Variants in GALNT13 observed in about 807,000 individuals in gnomAD.
GALNT13 encodes UDP-GalNAc:polypeptide N-acetylgalactosaminyltransferase 13.
In GALNT13, 28 loss-of-function variants were observed where a neutral mutation model predicts 64.2. The ratio of observed to expected loss-of-function variants is 0.44; its 90% CI spans 0.32 to 0.60. The LOEUF (loss-of-function observed/expected upper bound fraction) is 0.60. GALNT13 is among the 20% of genes least tolerant of loss of function. The pLI, the probability that GALNT13 is intolerant of heterozygous loss-of-function variation, is 0.05. For missense variants in GALNT13, 577 were observed against 669.8 expected (o/e 0.86, Z 1.53); for synonymous variants, 214 against 224.6 (o/e 0.95, Z 0.42).
chr2:154,450,446 T>C lies in GALNT13; in HGVS notation c.1566T>C (p.Cys522=), dbSNP rs1439325107. Residue 522 remains cysteine (C), a synonymous_variant, in exon 13 of 13, where the codon TGT becomes TGC. Transcript: ENST00000392825. ...TGCGACATGTTAACAGTAACCAATG[T>C]CTCGATGAACCTTCTGAAGAAGACA... ...LTLRHVNSNQ[C]LDEPSEEDKM... 6.2e-7 allele frequency: 1 copy of C among 1,612,560 alleles called. No individual in the cohort carries two copies. Among genetic ancestry groups the C allele is most frequent in the Non-Finnish European group, 8.5e-7 (1 of 1,179,130 alleles).
At chr2:154,235,172 G>T (rs533675191) in intron 4 of GALNT13, among the ~76,000 whole-genome samples, 1 of 152,048 alleles carries the variant, frequency 6.6e-6, no homozygotes, top group African/African-American at 2.4e-5. Flanking sequence ...GAAAACAGAA[G>T]AAGCAAATAA....
chr2:153,100,495 A>G, the GALNT13 span, among the ~76,000 whole-genome samples: 1 of 152,136 alleles, frequency 6.6e-6, no homozygotes, highest in Non-Finnish European at 1.5e-5. Flanking sequence ...CTTGGAGAAA[A>G]TTGTTTTGGA....
At chr2:153,877,776 AT>A (rs553358626) in intron 1 of GALNT13, among the ~76,000 whole-genome samples, 170 of 152,318 alleles carry the variant, frequency 1.1e-3, no homozygotes, top group African/African-American at 3.8e-3. Flanking sequence ...ATTCCAGCTT[AT>A]TTATGAAGAA....
intron 3 of GALNT13, among the ~76,000 whole-genome samples, chr2:154,089,925 A>G (rs1701722136): frequency 6.6e-6 from 1 of 151,628 alleles, no homozygotes; most frequent in Admixed American, 6.6e-5. Flanking sequence ...TGCTGCCTAC[A>G]TTATTAACAT....
intron 3 of GALNT13, among the ~76,000 whole-genome samples, chr2:154,135,882 A>G (rs964354192): frequency 6.6e-6 from 1 of 152,148 alleles, no homozygotes; most frequent in African/African-American, 2.4e-5. Flanking sequence ...GATAAACTAG[A>G]GCCTTTGGAC....
At position 154,393,682 on chromosome 2, in the gene GALNT13, A is replaced by G. The variant is rs555606191; in HGVS notation, c.1157-2309A>G. Among the ~76,000 whole-genome samples, 127 of 152,340 alleles carry G rather than the reference A, an allele frequency of 8.3e-4. 1 individual carries two copies. Among genetic ancestry groups the G allele is most frequent in the Non-Finnish European group, 1.7e-3 (115 of 68,036 alleles). On this transcript the variant is annotated intron_variant, in intron 9 of 12. Coordinates refer to ENST00000392825, the MANE Select transcript of GALNT13 (RefSeq NM_052917.4). ...CAGGGGGCGGCTTAGAGGTGGCAGG[A>G]TAAGAAGGCTTTTGCTTTATTCAGT...
chr2:153,107,916 CCT>C, the GALNT13 span, among the ~76,000 whole-genome samples: 1 of 152,222 alleles, frequency 6.6e-6, no homozygotes. Context: ...AAGTTAAACA[CCT>C]CTACAACACA....
chr2:154,315,321 A>G (rs977379040), intron 9 of GALNT13, among the ~76,000 whole-genome samples: 16 of 152,212 alleles, frequency 1.1e-4, no homozygotes, highest in South Asian at 4.1e-4. Flanking sequence ...TGAGTTTGAG[A>G]GCATTGCAGT....
chr2:153,807,743 A>T, the GALNT13 span, among the ~76,000 whole-genome samples: 3 of 152,058 alleles, frequency 2.0e-5, no homozygotes, highest in African/African-American at 7.2e-5. Context: ...TGTGTTTGAT[A>T]ATTTCATTAT....
chr2:154,002,865 C>G (rs1293936448), intron 3 of GALNT13, among the ~76,000 whole-genome samples: 1 of 152,134 alleles, frequency 6.6e-6, no homozygotes, highest in Non-Finnish European at 1.5e-5. Flanking sequence ...TTATAGTGAG[C>G]ATCAGAACTA....
the GALNT13 span, among the ~76,000 whole-genome samples, chr2:153,343,089 A>T: frequency 6.6e-6 from 1 of 152,220 alleles, no homozygotes; most frequent in African/African-American, 2.4e-5. Flanking sequence ...TTGTCACTAC[A>T]ATATTTGTTG....
chr2:153,919,840 T>C (rs1689632185), intron 2 of GALNT13, among the ~76,000 whole-genome samples: 1 of 151,562 alleles, frequency 6.6e-6, no homozygotes. Context: ...TAAGTAGATA[T>C]AATTCTTATT....
At chr2:154,207,908 G>C (rs1243017104) in intron 4 of GALNT13, among the ~76,000 whole-genome samples, 1 of 152,112 alleles carries the variant, frequency 6.6e-6, no homozygotes, top group Non-Finnish European at 1.5e-5. Flanking sequence ...TAGGACAAAG[G>C]CAACATATGT....
the GALNT13 span, among the ~76,000 whole-genome samples, chr2:153,660,651 A>G: frequency 2.6e-5 from 4 of 151,660 alleles, no homozygotes; most frequent in African/African-American, 9.7e-5. Flanking sequence ...ATGGCTTACA[A>G]GGCCATTTTT....
the GALNT13 span, among the ~76,000 whole-genome samples, chr2:153,302,555 C>G: frequency 1.3e-5 from 2 of 152,038 alleles, no homozygotes; most frequent in Non-Finnish European, 2.9e-5. Context: ...CTTGGCTGTT[C>G]AGAAGCTTTT....
the GALNT13 span, among the ~76,000 whole-genome samples, chr2:153,546,538 G>T: frequency 9.2e-4 from 140 of 152,284 alleles, 1 homozygote; most frequent in Middle Eastern, 3.4e-3. Flanking sequence ...GTGTGTCCAA[G>T]TGTGCCCCGC....
chr2:153,455,807 T>G, the GALNT13 span, among the ~76,000 whole-genome samples: 1 of 152,116 alleles, frequency 6.6e-6, no homozygotes, highest in Non-Finnish European at 1.5e-5. Flanking sequence ...GTGTCTGCAT[T>G]TGTGGCTCCC....
At chr2:153,690,592 G>A in the GALNT13 span, among the ~76,000 whole-genome samples, 10 of 152,128 alleles carry the variant, frequency 6.6e-5, no homozygotes, top group Non-Finnish European at 1.3e-4. Flanking sequence ...TAGATTTATA[G>A]ACTAACTTAT....
chr2:153,922,882 TATTTTTTATTTTA>T (rs1324310254), intron 2 of GALNT13, among the ~76,000 whole-genome samples: 1 of 151,978 alleles, frequency 6.6e-6, no homozygotes, highest in Admixed American at 6.6e-5. Context: ...TTTTTATTTT[TATTTTTTATTTTA>T]ATTTTTAAAT....
Sources: allele counts gnomAD v4.1 joint callset (sites outside exome capture counted in the v4.1 genomes callset), GRCh38; gene constraint gnomAD v4.1.1; transcripts MANE v1.5; gene names NCBI Gene and HGNC (gene_info 2026-07-23, HGNC 2026-07-21).